Variants in LRRTM4 observed in about 807,000 individuals in gnomAD.
LRRTM4 encodes leucine rich repeat transmembrane neuronal 4, also known as leucine-rich repeat transmembrane neuronal protein 4.
A neutral mutation model predicts 47.6 loss-of-function variants in LRRTM4; 25 were observed. The observed-to-expected ratio is 0.53, with a 90% CI of 0.38 to 0.73. LRRTM4 has a LOEUF of 0.73. Ranked by LOEUF, LRRTM4 falls within the 30% of genes least tolerant of loss-of-function variation. The pLI, the probability that LRRTM4 is intolerant of heterozygous loss-of-function variation, is 0.00. For missense variants in LRRTM4, 638 were observed against 713.4 expected (o/e 0.89, Z 1.20); for synonymous variants, 311 against 269.5 (o/e 1.15, Z -1.51).
intron 3 of LRRTM4, among the ~76,000 whole-genome samples, chr2:77,404,528 C>A (rs1464287134): frequency 6.6e-6 from 1 of 151,954 alleles, no homozygotes; most frequent in African/African-American, 2.4e-5. Flanking sequence ...TGCCTTTATG[C>A]AAACTTAAAG....
chr2:77,443,910 G>GA (rs564869479), intron 3 of LRRTM4, among the ~76,000 whole-genome samples: 2 of 151,662 alleles, frequency 1.3e-5, no homozygotes, highest in Non-Finnish European at 2.9e-5. Context: ...TGAATCTTAA[G>GA]AAAAAATAAA....
intron 3 of LRRTM4, among the ~76,000 whole-genome samples, chr2:77,472,238 T>C (rs1160084053): frequency 6.6e-6 from 1 of 152,158 alleles, no homozygotes; most frequent in African/African-American, 2.4e-5. Context: ...GGAGAAAATA[T>C]GTGTGTTAGG....
At chr2:77,447,802 G>A (rs975969062) in intron 3 of LRRTM4, among the ~76,000 whole-genome samples, 2 of 152,114 alleles carry the variant, frequency 1.3e-5, no homozygotes, top group African/African-American at 2.4e-5. Flanking sequence ...GAACACATAT[G>A]GCATGTTATA....
intron 3 of LRRTM4, among the ~76,000 whole-genome samples, chr2:77,459,091 TCAGA>T (rs1398101867): frequency 1.3e-5 from 2 of 152,162 alleles, no homozygotes; most frequent in Non-Finnish European, 2.9e-5. Context: ...TTCAAAAAGT[TCAGA>T]CATTCATTTT....
At chr2:76,830,432 GGAA>G (rs1671313591) in intron 3 of LRRTM4, among the ~76,000 whole-genome samples, 1 of 151,398 alleles carries the variant, frequency 6.6e-6, no homozygotes, top group African/African-American at 2.4e-5. Context: ...GTGAAGTAGT[GGAA>G]GAATAAGACT....
intron 3 of LRRTM4, among the ~76,000 whole-genome samples, chr2:76,881,201 C>A (rs1279189359): frequency 6.6e-6 from 1 of 152,034 alleles, no homozygotes; most frequent in African/African-American, 2.4e-5. Context: ...TAAATATGTA[C>A]AGTTATCATG....
chr2:77,332,970 C>T (rs1352161782), intron 3 of LRRTM4, among the ~76,000 whole-genome samples: 3 of 152,098 alleles, frequency 2.0e-5, no homozygotes, highest in Non-Finnish European at 4.4e-5. Flanking sequence ...ATTACAGGGG[C>T]GGGTCTTTCC....
chr2:77,083,460 CACCA>C (rs1232536010), intron 3 of LRRTM4, among the ~76,000 whole-genome samples: 4 of 152,160 alleles, frequency 2.6e-5, no homozygotes, highest in African/African-American at 7.2e-5. Context: ...CCACATATTT[CACCA>C]ACCATTGATT....
At chr2:76,753,733 C>T (rs906479517) in intron 3 of LRRTM4, among the ~76,000 whole-genome samples, 3 of 152,004 alleles carry the variant, frequency 2.0e-5, no homozygotes, top group Non-Finnish European at 2.9e-5. Flanking sequence ...AATTCTAAAT[C>T]TACCATAATT....
intron 3 of LRRTM4, among the ~76,000 whole-genome samples, chr2:77,063,129 A>ATTT (rs141643486): frequency 0.029 from 4,330 of 147,906 alleles, 204 homozygotes; most frequent in African/African-American, 0.1. Context: ...TAATCTTTGT[A>ATTT]TTTTTTTTTT....
At chr2:76,906,305 T>C (rs1035280153) in intron 3 of LRRTM4, among the ~76,000 whole-genome samples, 5 of 152,000 alleles carry the variant, frequency 3.3e-5, no homozygotes, top group East Asian at 1.9e-4. Context: ...CTCAGAGATT[T>C]TGTCACCACC....
chr2:76,824,390 T>C (rs1243801836), intron 3 of LRRTM4, among the ~76,000 whole-genome samples: 1 of 151,624 alleles, frequency 6.6e-6, no homozygotes, highest in East Asian at 1.9e-4. Context: ...AGAATGCATA[T>C]AAATATGTTC....
chr2:76,780,697 G>A (rs1270772134), intron 3 of LRRTM4, among the ~76,000 whole-genome samples: 2 of 151,978 alleles, frequency 1.3e-5, no homozygotes, highest in Non-Finnish European at 2.9e-5. Flanking sequence ...CTTTGCCTTT[G>A]GTTTCAATGT....
intron 3 of LRRTM4, among the ~76,000 whole-genome samples, chr2:76,855,128 A>C (rs186590971): frequency 6.6e-6 from 1 of 152,354 alleles, no homozygotes; most frequent in East Asian, 1.9e-4. Flanking sequence ...CTGCAAGAGC[A>C]AAGGCGGTTG....
intron 3 of LRRTM4, among the ~76,000 whole-genome samples, chr2:76,780,724 G>A (rs755795330): frequency 3.3e-5 from 5 of 152,100 alleles, no homozygotes; most frequent in Non-Finnish European, 7.3e-5. Context: ...GTAGCTCAGA[G>A]TAATTTGATT....
Position 77,074,591 on chromosome 2 carries a change from T to C in LRRTM4, c.1552-325675A>G, listed in dbSNP as rs559380708. On this transcript the variant is annotated intron_variant, in intron 3 of 3. Coordinates refer to ENST00000409884, the MANE Select transcript of LRRTM4 (RefSeq NM_001134745.3). ...AATTTGCCTTACCCATTTTTACATATGTGTATATATCTGGCTGGATATATT... is the reference window on the plus strand; with the variant it reads ...AATTTGCCTTACCCATTTTTACATACGTGTATATATCTGGCTGGATATATT... Among the ~76,000 whole-genome samples the C allele has an allele frequency of 7.2e-5, 11 of 152,276 alleles. No homozygotes were observed. In the East Asian group the frequency reaches 1.5e-3, roughly 21 times the overall value.
At chr2:77,177,425 G>A (rs1673229677) in intron 3 of LRRTM4, among the ~76,000 whole-genome samples, 1 of 152,108 alleles carries the variant, frequency 6.6e-6, no homozygotes, top group Non-Finnish European at 1.5e-5. Flanking sequence ...TGTGAGGAGG[G>A]AATCCATGGA....
intron 3 of LRRTM4, among the ~76,000 whole-genome samples, chr2:77,435,915 C>G (rs561411098): frequency 6.6e-6 from 1 of 152,062 alleles, no homozygotes; most frequent in South Asian, 2.1e-4. Context: ...CTAGACCATA[C>G]TGCAAGGGAA....
At chr2:77,239,361 T>C (rs904990115) in intron 3 of LRRTM4, among the ~76,000 whole-genome samples, 1 of 151,908 alleles carries the variant, frequency 6.6e-6, no homozygotes. Flanking sequence ...TAAATGCATG[T>C]AGTTAAAAAG....
Sources: gnomAD v4.1 joint callset for allele counts (sites outside exome capture counted in the v4.1 genomes callset) on GRCh38, gnomAD v4.1.1 for gene constraint, MANE v1.5 for transcripts, NCBI Gene and HGNC (gene_info 2026-07-23, HGNC 2026-07-21) for gene names.